The following BAZ2B variants were observed in gnomAD, a reference collection of about 807,000 sequenced individuals.
The protein encoded by BAZ2B is bromodomain adjacent to zinc finger domain 2B, also known as bromodomain adjacent to zinc finger domain protein 2B.
In BAZ2B, 91 loss-of-function variants were observed where a neutral mutation model predicts 246.0. The ratio of observed to expected loss-of-function variants is 0.37; its 90% CI spans 0.31 to 0.44. The LOEUF (loss-of-function observed/expected upper bound fraction) is 0.44, where lower values mean the gene tolerates loss of function less well. Ranked by LOEUF, BAZ2B falls within the 20% of genes least tolerant of loss-of-function variation. The pLI is 1.00. For synonymous variants in BAZ2B, 855 were observed against 860.0 expected, an observed-to-expected ratio of 0.99 and a Z score of 0.10; for missense variants, 2,332 against 2,533.7, an observed-to-expected ratio of 0.92 and a Z score of 1.71.
chr2:159,539,667 G>C (rs1005798148), intron 2 of BAZ2B, among the ~76,000 whole-genome samples: 88 of 152,190 alleles, frequency 5.8e-4, no homozygotes, highest in African/African-American at 2.0e-3. Flanking sequence ...CTTGAGCCCA[G>C]GAGTTCAAGA....
chr2:159,360,973 C>T (rs528191804), intron 27 of BAZ2B, among the ~76,000 whole-genome samples: 76 of 152,172 alleles, frequency 5.0e-4, no homozygotes, highest in Non-Finnish European at 5.6e-4. Flanking sequence ...AAGACTTAAA[C>T]GTCAGACCTA....
the BAZ2B span, among the ~76,000 whole-genome samples, chr2:159,649,362 C>T: frequency 1.3e-5 from 2 of 151,982 alleles, no homozygotes; most frequent in Non-Finnish European, 1.5e-5. Flanking sequence ...CAACCTAGAT[C>T]CCTCACATAC....
At chr2:159,659,279 G>A in the BAZ2B span, among the ~76,000 whole-genome samples, 1 of 152,138 alleles carries the variant, frequency 6.6e-6, no homozygotes, top group Non-Finnish European at 1.5e-5. Flanking sequence ...CAAATATCTT[G>A]AGCCAGTAAG....
At chr2:159,583,273 C>A (rs1687271693) in intron 1 of BAZ2B, among the ~76,000 whole-genome samples, 1 of 151,934 alleles carries the variant, frequency 6.6e-6, no homozygotes, top group African/African-American at 2.4e-5. Context: ...AGCCAGCACA[C>A]CCAGCTAATT....
At chr2:159,403,610 C>T (rs1025719806) in intron 16 of BAZ2B, among the ~76,000 whole-genome samples, 1 of 152,070 alleles carries the variant, frequency 6.6e-6, no homozygotes, top group Admixed American at 6.6e-5. Flanking sequence ...ATTCACTAGC[C>T]TATTTCAGGT....
chr2:159,496,939 T>C (rs185295345), intron 2 of BAZ2B, among the ~76,000 whole-genome samples: 4 of 152,258 alleles, frequency 2.6e-5, no homozygotes, highest in Non-Finnish European at 5.9e-5. Flanking sequence ...GTATTATTTA[T>C]TTAACAACTA....
intron 32 of BAZ2B, 123 bp downstream of exon 32, chr2:159,337,444 T>C: frequency 1.3e-6 from 2 of 1,583,380 alleles, no homozygotes; most frequent in Non-Finnish European, 1.7e-6. Flanking sequence ...ATTTTTCAAG[T>C]TAATCTCAAT....
Position 159,417,162 on chromosome 2 carries a change from GGTTTTTTTTTTT to G in BAZ2B, c.2467-4629_2467-4618del, listed in dbSNP as rs1448248004. Among the ~76,000 whole-genome samples the G allele has an allele frequency of 2.8e-3, 420 of 150,870 alleles. 1 individual carries two copies. The highest frequency in any genetic ancestry group is 9.7e-3 in the African/African-American group (400 of 41,254). ...ACAAGATGGAGATAGCAAAAGATTA[GGTTTTTTTTTTT>G]GTTTTTTTTTTTTTGAGCTGAAGTC... On this transcript the variant is annotated intron_variant, in intron 13 of 36. Coordinates refer to ENST00000392783, the MANE Select transcript of BAZ2B (RefSeq NM_013450.4).
the BAZ2B span, among the ~76,000 whole-genome samples, chr2:159,662,243 T>C: frequency 6.6e-6 from 1 of 152,256 alleles, no homozygotes; most frequent in African/African-American, 2.4e-5. Context: ...GATCTGTTGA[T>C]GGACATTTAG....
chr2:159,655,069 G>C, the BAZ2B span, among the ~76,000 whole-genome samples: 1 of 152,048 alleles, frequency 6.6e-6, no homozygotes, highest in Non-Finnish European at 1.5e-5. Flanking sequence ...TGAATTCAAA[G>C]GCAATTAGTA....
At position 159,349,382 on chromosome 2, in the gene BAZ2B, T is replaced by C. The variant is rs2058323502; in HGVS notation, c.4864-102A>G. 5.8e-6 allele frequency: 7 copies of C among 1,203,746 alleles called. No homozygotes were observed. In the South Asian group the frequency reaches 1.0e-4, roughly 18 times the overall value. The allele number at this position is 1,203,746 out of a possible 1,614,324, so 74.6% of individuals were successfully genotyped here. A position where few individuals can be genotyped will look rare whatever the true frequency, so the allele number is the denominator to read the frequency against. On this transcript the variant is annotated intron_variant, in intron 28 of 36. Transcript: ENST00000392783. The stretch of plus-strand genomic sequence containing the variant: ...ATTTTTCAAATTCCAAAAAATATTC[T>C]TTCATTTATTACAATTACAGGAAAA...
chr2:159,706,084 A>AACACACACACACACAC, the BAZ2B span, among the ~76,000 whole-genome samples: 8,862 of 149,354 alleles, frequency 0.059, 356 homozygotes, highest in Middle Eastern at 0.13. Context: ...AAACATATAT[A>AACACACACACACACAC]ACACACACAC....
intron 2 of BAZ2B, among the ~76,000 whole-genome samples, chr2:159,546,154 C>T (rs10201283): frequency 0.032 from 4,883 of 152,092 alleles, 242 homozygotes; most frequent in African/African-American, 0.11. Flanking sequence ...GGTTTGGCTG[C>T]GTCCCTGTCC....
rs1342923443 is a variant in BAZ2B at position 159,399,056 on chromosome 2, C to G, written c.2899-162G>C. On this transcript the variant is annotated intron_variant, in intron 17 of 36. Transcript: ENST00000392783. Reference sequence around the variant, plus strand: ...TCCCCCCAGTTAACATTATGTTTAACGTAATAATTTTGTTTCTAATTTATA... The same window carrying G: ...TCCCCCCAGTTAACATTATGTTTAAGGTAATAATTTTGTTTCTAATTTATA... 5 of 535,008 alleles carry G rather than the reference C, an allele frequency of 9.3e-6. No individual in the cohort carries two copies. In the East Asian group the frequency reaches 1.7e-4, roughly 18 times the overall value. 33.1% of individuals were successfully genotyped at this position (535,008 alleles called of 1,614,324 possible).
intron 14 of BAZ2B, among the ~76,000 whole-genome samples, chr2:159,405,356 C>T (rs1004177889): frequency 2.6e-5 from 4 of 152,020 alleles, no homozygotes; most frequent in African/African-American, 7.3e-5. Context: ...GGATTACAGG[C>T]GTGCGCCACC....
At chr2:159,348,114 T>C (rs1008899806) in intron 30 of BAZ2B, among the ~76,000 whole-genome samples, 3 of 150,808 alleles carry the variant, frequency 2.0e-5, no homozygotes, top group Non-Finnish European at 4.4e-5. Flanking sequence ...AGGCCAGGAG[T>C]TCGAGACCAG....
the BAZ2B span, among the ~76,000 whole-genome samples, chr2:159,646,996 A>C: frequency 6.6e-6 from 1 of 152,040 alleles, no homozygotes; most frequent in African/African-American, 2.4e-5. Context: ...CTGAGCCCTC[A>C]CCACAATCAT....
chr2:159,512,317 G>T (rs1429971582), intron 2 of BAZ2B, among the ~76,000 whole-genome samples: 7 of 152,064 alleles, frequency 4.6e-5, no homozygotes. Flanking sequence ...AAGGCAAAAG[G>T]TTTAAGTTTT....
At chr2:159,607,286 A>G (rs947785885) in intron 1 of BAZ2B, among the ~76,000 whole-genome samples, 2 of 152,316 alleles carry the variant, frequency 1.3e-5, no homozygotes, top group South Asian at 2.1e-4. Context: ...GAGAAAAGGG[A>G]TACACATATA....
Sources: gnomAD v4.1 joint callset for allele counts (sites outside exome capture counted in the v4.1 genomes callset) on GRCh38, gnomAD v4.1.1 for gene constraint, MANE v1.5 for transcripts, NCBI Gene and HGNC (gene_info 2026-07-23, HGNC 2026-07-21) for gene names.